Variants in NBEA observed in about 807,000 individuals in gnomAD.
The protein encoded by NBEA is lysosomal-trafficking regulator 2.
Under a neutral mutation model 343.4 loss-of-function variants are expected in NBEA, and 44 were observed. The ratio of observed to expected loss-of-function variants is 0.13; its 90% CI spans 0.10 to 0.16. NBEA has a LOEUF of 0.16. Ranked by LOEUF, NBEA falls within the 10% of genes least tolerant of loss-of-function variation. The pLI is 1.00. For missense variants in NBEA, 2,555 were observed against 3,631.3 expected, an observed-to-expected ratio of 0.70 and a Z score of 7.62; for synonymous variants, 1,175 against 1,238.7, an observed-to-expected ratio of 0.95 and a Z score of 1.08.
At chr13:35,052,839 T>C (rs986749064) in intron 6 of NBEA, among the ~76,000 whole-genome samples, 1 of 152,042 alleles carries the variant, frequency 6.6e-6, no homozygotes, top group African/African-American at 2.4e-5. Context: ...CATATATTAT[T>C]GTTACAACCA....
chr13:35,454,700 A>G (rs1445861791), intron 40 of NBEA, among the ~76,000 whole-genome samples: 1 of 152,032 alleles, frequency 6.6e-6, no homozygotes, highest in Non-Finnish European at 1.5e-5. Flanking sequence ...CTCTACTAAA[A>G]ATACAAAAAA....
chr13:35,443,036 T>A (rs1386952985), intron 39 of NBEA, among the ~76,000 whole-genome samples: 1 of 152,080 alleles, frequency 6.6e-6, no homozygotes, highest in Non-Finnish European at 1.5e-5. Context: ...GCCATTTTCT[T>A]CTCTTCTTTC....
chr13:35,645,514 T>A (rs1249582579), intron 49 of NBEA, among the ~76,000 whole-genome samples: 7 of 152,168 alleles, frequency 4.6e-5, no homozygotes, highest in African/African-American at 1.7e-4. Flanking sequence ...TTTCTATTCC[T>A]TGGAGGCTAT....
chr13:35,066,086 G>T (rs780758118), intron 8 of NBEA, among the ~76,000 whole-genome samples: 2 of 151,954 alleles, frequency 1.3e-5, no homozygotes, highest in Non-Finnish European at 2.9e-5. Context: ...CTCAGCTCCT[G>T]GGTAGCTGGG....
intron 41 of NBEA, chr13:35,474,310 A>G (rs1228550868): frequency 6.6e-6 from 1 of 152,656 alleles, no homozygotes; most frequent in Non-Finnish European, 1.5e-5. Flanking sequence ...CATTTTTCAA[A>G]TATATAATTC....
At position 35,177,072 on chromosome 13, in the gene NBEA, A is replaced by G. The variant is rs201692550; in HGVS notation, c.4631A>G (p.Asn1544Ser). The change falls in exon 28 of 59, where the codon AAT becomes AGT. Residue 1544 changes from asparagine (N) to serine (S), a missense_variant. This residue lies in a region of NBEA where 168 missense variants were observed against 193.0 expected (regional missense o/e 0.87). Transcript: ENST00000379939. ...PDRLLQDVDINRLRAVVFRDV... is the reference protein window; with the variant it reads ...PDRLLQDVDISRLRAVVFRDV... ...AGACTTCTTCAGGATGTTGATATCA[A>G]TCGCCTTCGTGCTGTTGTCTTTCGG... 142 of 1,603,472 alleles carry G rather than the reference A, an allele frequency of 8.9e-5. No homozygotes were observed. In the Middle Eastern group the frequency reaches 1.7e-3, roughly 19 times the overall value.
At position 35,053,402 on chromosome 13, in the gene NBEA, C is replaced by A. The variant is rs555648112; in HGVS notation, c.973-2608C>A. Among the ~76,000 whole-genome samples the A allele has an allele frequency of 3.3e-5, 5 of 152,208 alleles. 1 individual carries two copies. In the South Asian group the frequency reaches 1.0e-3, roughly 32 times the overall value. On this transcript the variant is annotated intron_variant, in intron 6 of 58. Transcript: ENST00000379939. Reference sequence around the variant, plus strand: ...CACTGTCTACTGAACAGTTCCTTTTCATCCTTCAAGCTTAGTCTTACAGTT... The same window carrying A: ...CACTGTCTACTGAACAGTTCCTTTTAATCCTTCAAGCTTAGTCTTACAGTT...
At chr13:35,559,431 A>C (rs892936035) in intron 44 of NBEA, among the ~76,000 whole-genome samples, 1 of 152,186 alleles carries the variant, frequency 6.6e-6, no homozygotes, top group African/African-American at 2.4e-5. Context: ...TGATTGATTG[A>C]AACTTAAGAT....
At chr13:35,068,451 G>A (rs1309701353) in intron 8 of NBEA, among the ~76,000 whole-genome samples, 1 of 152,130 alleles carries the variant, frequency 6.6e-6, no homozygotes, top group African/African-American at 2.4e-5. Flanking sequence ...TGCAGACACG[G>A]AAAGCTGATT....
rs922803517 is a variant in NBEA, at chr13:35,215,099, A to AT, written c.5648+3930dup. Reference sequence around the variant, plus strand: ...ATGATGTAATGTAAGTCCTGTAACTATTTTTTTTTTACTTTTCTGGGTTAA... The same window carrying AT: ...ATGATGTAATGTAAGTCCTGTAACTATTTTTTTTTTTACTTTTCTGGGTTAA... On this transcript the variant is annotated intron_variant, in intron 33 of 58. Coordinates refer to ENST00000379939, the MANE Select transcript of NBEA (RefSeq NM_001385012.1). 6.4e-3 allele frequency among the ~76,000 whole-genome samples: 948 copies of AT among 148,662 alleles called. 5 individuals carry two copies. Among genetic ancestry groups the AT allele is most frequent in the African/African-American group, 0.021 (846 of 40,780 alleles).
intron 11 of NBEA, among the ~76,000 whole-genome samples, chr13:35,105,245 G>A (rs2065862006): frequency 6.6e-6 from 1 of 151,940 alleles, no homozygotes; most frequent in Non-Finnish European, 1.5e-5. Flanking sequence ...TCTTGCTAAT[G>A]TCTTCAATTA....
intron 37 of NBEA, among the ~76,000 whole-genome samples, chr13:35,351,156 A>G (rs1037001598): frequency 1.3e-5 from 2 of 151,986 alleles, no homozygotes; most frequent in Non-Finnish European, 2.9e-5. Flanking sequence ...CAATAGATAA[A>G]TGAGAGGAAT....
At chr13:34,984,711 C>T (rs1006684420) in intron 1 of NBEA, among the ~76,000 whole-genome samples, 1 of 150,978 alleles carries the variant, frequency 6.6e-6, no homozygotes, top group East Asian at 1.9e-4. Context: ...TCTTTTATTT[C>T]GTTGAGCAGT....
chr13:34,986,548 G>T (rs2060554368), intron 1 of NBEA, among the ~76,000 whole-genome samples: 1 of 150,766 alleles, frequency 6.6e-6, no homozygotes, highest in African/African-American at 2.4e-5. Context: ...ATGTCTATTA[G>T]GTCTGCTTGG....
At chr13:35,488,083 A>T (rs1482785494) in intron 41 of NBEA, among the ~76,000 whole-genome samples, 1 of 151,906 alleles carries the variant, frequency 6.6e-6, no homozygotes, top group African/African-American at 2.4e-5. Context: ...GTATTCATCC[A>T]ACTCATATCT....
At chr13:35,442,635 T>G (rs1159370918) in intron 39 of NBEA, among the ~76,000 whole-genome samples, 2 of 152,176 alleles carry the variant, frequency 1.3e-5, no homozygotes, top group African/African-American at 4.8e-5. Flanking sequence ...TTTAATTGCA[T>G]TTCTCTGTTT....
chr13:35,542,159 C>A (rs1298906785), intron 41 of NBEA, among the ~76,000 whole-genome samples: 1 of 151,766 alleles, frequency 6.6e-6, no homozygotes, highest in Non-Finnish European at 1.5e-5. Context: ...GACACCCCCC[C>A]CCCACCGCAT....
At chr13:35,343,277 A>G (rs1475014929) in intron 36 of NBEA, among the ~76,000 whole-genome samples, 1 of 152,132 alleles carries the variant, frequency 6.6e-6, no homozygotes, top group Non-Finnish European at 1.5e-5. Flanking sequence ...ATCAGGGAGA[A>G]AATGACAAAT....
rs1290482076 is a variant in NBEA at position 35,671,451 on chromosome 13, A to G, written c.*460A>G. 1 of 153,894 alleles carries G rather than the reference A, an allele frequency of 6.5e-6. No individual in the cohort carries two copies. The highest frequency in any genetic ancestry group is 1.4e-5 in the Non-Finnish European group (1 of 69,128). 9.5% of individuals were successfully genotyped at this position (153,894 alleles called of 1,614,324 possible). Reference sequence around the variant, plus strand: ...CAGATGCATCTTATTTAAAAGGGATACTTTTGTAAAAGTAAAACCTTGTAT... The same window carrying G: ...CAGATGCATCTTATTTAAAAGGGATGCTTTTGTAAAAGTAAAACCTTGTAT... On this transcript the variant is annotated 3_prime_UTR_variant, in exon 59 of 59. Transcript: ENST00000379939.
Sources: allele counts gnomAD v4.1 joint callset (sites outside exome capture counted in the v4.1 genomes callset), GRCh38; gene constraint gnomAD v4.1.1; regional missense constraint gnomAD v4.1.1; transcripts MANE v1.5; gene names NCBI Gene and HGNC (gene_info 2026-07-23, HGNC 2026-07-21).